Variants in CD163 observed in about 807,000 individuals in gnomAD.
CD163 encodes CD163 molecule, also known as scavenger receptor cysteine-rich type 1 protein M130.
In CD163, 64 loss-of-function variants were observed where a neutral mutation model predicts 129.2. The ratio of observed to expected loss-of-function variants is 0.50; its 90% CI spans 0.41 to 0.61. CD163 has a LOEUF of 0.61. CD163 is among the 20% of genes least tolerant of loss of function. CD163 has a pLI of 0.00. For missense variants in CD163, 1,061 were observed against 1,377.9 expected (o/e 0.77, Z 3.64); for synonymous variants, 446 against 478.5 (o/e 0.93, Z 0.89).
rs754173408 is a variant in CD163 at position 7,487,862 on chromosome 12, C to T, written c.1646G>A (p.Gly549Glu). 1.2e-6 allele frequency: 2 copies of T among 1,614,092 alleles called. No homozygotes were observed. The highest frequency in any genetic ancestry group is 1.7e-6 in the Non-Finnish European group (2 of 1,180,014). ...GCAGAGTGAAAGATGGGACTCATGT[C>T]CCTCACACTGGAATTCTTCAGCCCA... ...QIWAEEFQCE[G>E]HESHLSLCPV... is the part of the protein sequence containing the mutation. The change falls in exon 7 of 17, where the codon GGA becomes GAA. Residue 549 changes from glycine to glutamate, a missense_variant. Coordinates refer to ENST00000432237, the MANE Select transcript of CD163 (RefSeq NM_203416.4). This position sits in a 1 kb window ranked among gnomAD's most constrained non-coding sequence, Gnocchi z 5.1.
chr12:7,475,536 C>T (rs1782604307), intron 16 of CD163, among the ~76,000 whole-genome samples: 1 of 152,136 alleles, frequency 6.6e-6, no homozygotes. Context: ...TAAAATTCAA[C>T]AGTGCTTCAT....
In CD163 at chr12:7,487,080, TAG is replaced by T; in HGVS notation, c.2051-96_2051-95del. 1 of 997,998 alleles carries T rather than the reference TAG, an allele frequency of 1.0e-6. No individual in the cohort carries two copies. The highest frequency in any genetic ancestry group is 1.5e-6 in the Non-Finnish European group (1 of 657,586). 61.8% of individuals were successfully genotyped at this position (997,998 alleles called of 1,614,324 possible). A position where few individuals can be genotyped will look rare whatever the true frequency, so the allele number is the denominator to read the frequency against. On this transcript the variant is annotated intron_variant, in intron 8 of 16. Coordinates refer to ENST00000432237, the MANE Select transcript of CD163 (RefSeq NM_203416.4). This position sits in a 1 kb window ranked among gnomAD's most constrained non-coding sequence, Gnocchi z 5.1. The stretch of plus-strand genomic sequence containing the variant: ...GGATGAGTTGAGGACAAACATAGCT[TAG>T]AGAGAGAGGGGAAGGTGGATGGTCA...
intron 6 of CD163, among the ~76,000 whole-genome samples, chr12:7,491,141 A>T (rs987324190): frequency 1.3e-5 from 2 of 152,190 alleles, no homozygotes; most frequent in African/African-American, 4.8e-5. Flanking sequence ...TGAAAAACAA[A>T]CAAACAAACA....
At chr12:7,492,483 C>A (rs1419497675) in intron 6 of CD163, among the ~76,000 whole-genome samples, 1 of 152,086 alleles carries the variant, frequency 6.6e-6, no homozygotes, top group Non-Finnish European at 1.5e-5. Flanking sequence ...GAGTCTTACA[C>A]ATGGTAAAAT....
intron 2 of CD163, among the ~76,000 whole-genome samples, chr12:7,501,691 A>C (rs1250651387): frequency 6.6e-6 from 1 of 152,196 alleles, no homozygotes; most frequent in Non-Finnish European, 1.5e-5. Flanking sequence ...GTAACACAAT[A>C]GTGTTTAATA....
intron 6 of CD163, 29 bp downstream of exon 6, chr12:7,495,052 C>T: frequency 1.3e-6 from 2 of 1,579,122 alleles, no homozygotes; most frequent in East Asian, 2.2e-5. Flanking sequence ...TTACACCCTT[C>T]TTCTTAACAA....
At position 7,481,260 on chromosome 12, in the gene CD163, A is replaced by T. The variant is rs773437368; in HGVS notation, c.3248-4T>A. The T allele has an allele frequency of 6.2e-7, 1 of 1,610,022 alleles. No homozygotes were observed. Among genetic ancestry groups the T allele is most frequent in the African/African-American group, 1.3e-5 (1 of 74,824 alleles). On this transcript the variant is annotated splice_polypyrimidine_tract_variant and splice_region_variant and intron_variant, in intron 14 of 16. Transcript: ENST00000432237. ...AAGTTCTCTCCTCTTGAGGAAACTG[A>T]AAACAGAGATCCCTAGGTTAGGGAT...
At chr12:7,492,971 T>A (rs753134923) in intron 6 of CD163, among the ~76,000 whole-genome samples, 1 of 152,308 alleles carries the variant, frequency 6.6e-6, no homozygotes, top group Non-Finnish European at 1.5e-5. Flanking sequence ...TGGTCAATAA[T>A]TAAAGAGAAG....
Position 7,483,616 on chromosome 12 carries a change from C to T in CD163, c.2839G>A (p.Gly947Arg), listed in dbSNP as rs1240581524. The change falls in exon 12 of 17, where the codon GGA becomes AGA. Residue 947 changes from glycine (G) to arginine (R), a missense_variant. Coordinates refer to ENST00000432237, the MANE Select transcript of CD163 (RefSeq NM_203416.4). ...TCACACACTGTCCCCCAGGAACCTC[C>T]ATGCCAGATCTCCACACGTCCAGAA... Reference protein sequence around the residue: ...SCSGRVEIWHGGSWGTVCDDS... With the variant: ...SCSGRVEIWHRGSWGTVCDDS... 1 of 1,613,724 alleles carries T rather than the reference C, an allele frequency of 6.2e-7. No homozygotes were observed.
chr12:7,486,428 A>C, intron 10 of CD163, 71 bp downstream of exon 10: 2 of 1,357,230 alleles, frequency 1.5e-6, no homozygotes, highest in Non-Finnish European at 2.0e-6. Flanking sequence ...CTTTAAGATT[A>C]ATACCCCTCA....
chr12:7,486,907 A>G lies in CD163; in HGVS notation c.2130T>C (p.Ala710=). ...ACAGAGTCTTACCTATGCAGGCCAC[A>G]GCACTTTCTTCTGGAATGGTAGGCC... ...PTRPTIPEES[A]VACIESGQLR... The change falls in exon 9 of 17, where the codon GCT becomes GCC. Residue 710 remains alanine (A), a synonymous_variant. Transcript: ENST00000432237. 1 of 1,613,966 alleles carries G rather than the reference A, an allele frequency of 6.2e-7. No homozygotes were observed. Among genetic ancestry groups the G allele is most frequent in the Non-Finnish European group, 8.5e-7 (1 of 1,179,820 alleles).
chr12:7,501,489 T>C (rs759354599), intron 2 of CD163, 27 bp from the exon 3 acceptor site: 39 of 1,575,356 alleles, frequency 2.5e-5, no homozygotes, highest in African/African-American at 5.4e-5. Context: ...AGACAGTAAT[T>C]GGCCAAGGTC....
intron 16 of CD163, among the ~76,000 whole-genome samples, chr12:7,478,980 A>AT (rs920089750): frequency 4.6e-5 from 7 of 151,378 alleles, no homozygotes; most frequent in Admixed American, 2.0e-4. Flanking sequence ...TCACATTTGA[A>AT]TTTTTTTTTA....
At position 7,487,223 on chromosome 12, in the gene CD163, T is replaced by C. The variant is rs78014536; in HGVS notation, c.2050+136A>G. 1,755 of 1,077,178 alleles carry C rather than the reference T, an allele frequency of 1.6e-3. 26 individuals are homozygous for C. In the African/African-American group the frequency reaches 0.026, roughly 16 times the overall value. 66.7% of individuals were successfully genotyped at this position (1,077,178 alleles called of 1,614,324 possible). ...CACCCTCTGAAAAGACAAATGAGGT[T>C]AATATTCTGAAGCATGAATTAGTAT... On this transcript the variant is annotated intron_variant, in intron 8 of 16. Transcript: ENST00000432237. This position sits in a 1 kb window ranked among gnomAD's most constrained non-coding sequence, Gnocchi z 5.1.
At position 7,483,420 on chromosome 12, in the gene CD163, C is replaced by T. The variant is rs374982629; in HGVS notation, c.3035G>A (p.Arg1012His). Residue 1012 changes from arginine to histidine, a missense_variant, in exon 12 of 17, where the codon CGC (arginine) becomes CAC (histidine). Arg to His is a conservative substitution (Grantham distance 29, BLOSUM62 0). Coordinates refer to ENST00000432237, the MANE Select transcript of CD163 (RefSeq NM_203416.4). ...GTGCCCACACTCACTATGGCCCCAG[C>T]GTCTGGCAGGACAATCCCACAAGGA... ...ESSLWDCPAR[R>H]WGHSECGHKE... 3.4e-5 allele frequency: 55 copies of T among 1,613,942 alleles called. No individual in the cohort carries two copies. The highest frequency in any genetic ancestry group is 4.2e-5 in the Non-Finnish European group (49 of 1,179,994).
rs1949483521 is a variant in CD163 at position 7,501,254 on chromosome 12, C to G, written c.342G>C (p.Trp114Cys). 6.2e-7 allele frequency: 1 copy of G among 1,614,118 alleles called. No homozygotes were observed. The highest frequency in any genetic ancestry group is 8.5e-7 in the Non-Finnish European group (1 of 1,180,050). ...TCCCACGACAAGAAACATGATCCATCCAAATGCGTCCAGAACCTGCACTGG... is the reference window on the plus strand; with the variant it reads ...TCCCACGACAAGAAACATGATCCATGCAAATGCGTCCAGAACCTGCACTGG... ...ANSSAGSGRI[W>C]MDHVSCRGNE... is the part of the protein sequence containing the mutation. Residue 114 changes from tryptophan to cysteine, a missense_variant, in exon 3 of 17, where the codon TGG (tryptophan) becomes TGC (cysteine). Coordinates refer to ENST00000432237, the MANE Select transcript of CD163 (RefSeq NM_203416.4).
Position 7,496,858 on chromosome 12 carries a change from T to C in CD163, c.1054A>G (p.Lys352Glu). 4 of 1,614,156 alleles carry C rather than the reference T, an allele frequency of 2.5e-6. No individual in the cohort carries two copies. Among genetic ancestry groups the C allele is most frequent in the Non-Finnish European group, 3.4e-6 (4 of 1,179,988 alleles). ...TCTTCATTGTGATTGCAATAATGCT[T>C]TCCCCATTCATGGTGTTTACATTGC... ...IWQCKHHEWG[K>E]HYCNHNEDAG... is the part of the protein sequence containing the mutation. The change falls in exon 5 of 17, where the codon AAG (lysine) becomes GAG (glutamate). Residue 352 changes from lysine (K) to glutamate (E), a missense_variant. By Grantham distance (56) the Lys-to-Glu change is moderately conservative (BLOSUM62 1). Transcript: ENST00000432237. The surrounding 1 kb of genome is among the most constrained non-coding windows in gnomAD (Gnocchi z 4.8).
chr12:7,483,919 C>T (rs1303071876), intron 11 of CD163, among the ~76,000 whole-genome samples: 3 of 146,240 alleles, frequency 2.1e-5, no homozygotes, highest in African/African-American at 7.6e-5. Flanking sequence ...CGGCTCACTG[C>T]AAGCTCCGCC....
At chr12:7,501,047 A>G (rs1565410036) in intron 3 of CD163, 92 bp downstream of exon 3, 1 of 1,034,878 alleles carries the variant, frequency 9.7e-7, no homozygotes, top group Non-Finnish European at 1.5e-6. Context: ...GATTGCTTAC[A>G]GGAAAGTGGC....
Sources: gnomAD v4.1 joint callset for allele counts (sites outside exome capture counted in the v4.1 genomes callset) on GRCh38, gnomAD v4.1.1 for gene constraint, Gnocchi (gnomAD v3.1) non-coding constraint, MANE v1.5 for transcripts, NCBI Gene and HGNC (gene_info 2026-07-23, HGNC 2026-07-21) for gene names.